MAPK8: variants seen among roughly 807,000 people sequenced by gnomAD.
MAPK8 encodes the protein mitogen-activated protein kinase 8.
Under a neutral mutation model 52.9 loss-of-function variants are expected in MAPK8, and 13 were observed. The ratio of observed to expected loss-of-function variants is 0.25; its 90% CI spans 0.16 to 0.39. The LOEUF is 0.39. Ranked by LOEUF, MAPK8 falls within the 10% of genes least tolerant of loss-of-function variation. MAPK8 has a pLI of 1.00. For missense variants in MAPK8, 300 were observed against 519.2 expected, an observed-to-expected ratio of 0.58 and a Z score of 4.10; for synonymous variants, 191 against 169.8, an observed-to-expected ratio of 1.12 and a Z score of -0.97.
At chr10:48,340,766 C>T (rs894539427) in intron 1 of MAPK8, among the ~76,000 whole-genome samples, 1 of 152,178 alleles carries the variant, frequency 6.6e-6, no homozygotes, top group Non-Finnish European at 1.5e-5. Flanking sequence ...AGTATTCAAA[C>T]AAAAACATAA....
chr10:48,432,561 T>C (rs956586805), intron 11 of MAPK8, among the ~76,000 whole-genome samples: 1 of 152,182 alleles, frequency 6.6e-6, no homozygotes, highest in Non-Finnish European at 1.5e-5. Flanking sequence ...TAGCTTTGTA[T>C]TGCTATATAG....
chr10:48,347,404 T>C (rs74545054), intron 1 of MAPK8, among the ~76,000 whole-genome samples: 3,453 of 152,250 alleles, frequency 0.023, 144 homozygotes, highest in African/African-American at 0.079. Context: ...TTGACAAGAA[T>C]TTTTTTATTG....
chr10:48,345,978 G>C (rs774389191), intron 1 of MAPK8, among the ~76,000 whole-genome samples: 1 of 152,206 alleles, frequency 6.6e-6, no homozygotes, highest in Non-Finnish European at 1.5e-5. Context: ...TGTTTAGGCT[G>C]TAACAAGACA....
intron 1 of MAPK8, among the ~76,000 whole-genome samples, chr10:48,361,960 C>T (rs1847573186): frequency 6.6e-6 from 1 of 152,164 alleles, no homozygotes; most frequent in Admixed American, 6.5e-5. Context: ...TAGCAAATTT[C>T]ATTGATTCTT....
chr10:48,437,606 A>G lies in MAPK8; in HGVS notation c.*2577A>G, dbSNP rs557234778. The G allele has an allele frequency of 5.9e-5, 9 of 152,232 alleles. No individual in the cohort carries two copies. Among genetic ancestry groups the G allele is most frequent in the Non-Finnish European group, 1.3e-4 (9 of 68,006 alleles). 9.4% of individuals were successfully genotyped at this position (152,232 alleles called of 1,614,324 possible). A position where few individuals can be genotyped will look rare whatever the true frequency, so the allele number is the denominator to read the frequency against. On this transcript the variant is annotated 3_prime_UTR_variant, in exon 12 of 12. Transcript: ENST00000374189. ...ATATATACTGGCCATTTGTAAAACC[A>G]TTGTGTTGTTGGGATCACTTAGTTA...
intron 1 of MAPK8, among the ~76,000 whole-genome samples, chr10:48,346,300 C>A (rs1047915101): frequency 2.6e-5 from 4 of 152,172 alleles, no homozygotes; most frequent in African/African-American, 9.7e-5. Flanking sequence ...TTATGATAAT[C>A]CTCACTCTAT....
chr10:48,347,507 C>T (rs1042850609), intron 1 of MAPK8, among the ~76,000 whole-genome samples: 6 of 152,310 alleles, frequency 3.9e-5, no homozygotes, highest in African/African-American at 1.4e-4. Context: ...ATCATCCCGT[C>T]ATCTACATTA....
At chr10:48,344,905 G>A (rs1206599432) in intron 1 of MAPK8, among the ~76,000 whole-genome samples, 1 of 151,964 alleles carries the variant, frequency 6.6e-6, no homozygotes, top group African/African-American at 2.4e-5. Flanking sequence ...TTTGTCCACC[G>A]AAATCCAGGT....
At chr10:48,351,430 C>G (rs1227221628) in intron 1 of MAPK8, among the ~76,000 whole-genome samples, 1 of 151,900 alleles carries the variant, frequency 6.6e-6, no homozygotes, top group Non-Finnish European at 1.5e-5. Context: ...AGGCTGGTCT[C>G]AAACTGCTGG....
intron 1 of MAPK8, among the ~76,000 whole-genome samples, chr10:48,359,652 A>C (rs1847336453): frequency 6.6e-6 from 1 of 152,226 alleles, no homozygotes; most frequent in Admixed American, 6.5e-5. Context: ...ACAGAACACC[A>C]TTGCAGATCA....
At chr10:48,377,149 A>C (rs935556698) in intron 1 of MAPK8, among the ~76,000 whole-genome samples, 1 of 151,852 alleles carries the variant, frequency 6.6e-6, no homozygotes, top group African/African-American at 2.4e-5. Flanking sequence ...TGCCACTTCT[A>C]AGTGGGAGTT....
At chr10:48,380,889 T>C (rs1191326985) in intron 1 of MAPK8, among the ~76,000 whole-genome samples, 1 of 152,210 alleles carries the variant, frequency 6.6e-6, no homozygotes, top group Non-Finnish European at 1.5e-5. Flanking sequence ...CTGTGCTCTT[T>C]GATTAGCAGG....
At chr10:48,370,251 G>A (rs183938867) in intron 1 of MAPK8, among the ~76,000 whole-genome samples, 102 of 152,260 alleles carry the variant, frequency 6.7e-4, no homozygotes, top group African/African-American at 2.3e-3. Context: ...ATAAGGTAAA[G>A]TCGAAGACTT....
intron 1 of MAPK8, among the ~76,000 whole-genome samples, chr10:48,389,320 A>T (rs2041496053): frequency 6.6e-6 from 1 of 152,168 alleles, no homozygotes; most frequent in South Asian, 2.1e-4. Flanking sequence ...ATATTCTGAA[A>T]GTAGTGAGAC....
chr10:48,355,765 G>A (rs1846855157), intron 1 of MAPK8, among the ~76,000 whole-genome samples: 2 of 152,082 alleles, frequency 1.3e-5, no homozygotes, highest in African/African-American at 2.4e-5. Context: ...ACTATACATT[G>A]AAGAAGCACA....
chr10:48,353,012 A>G (rs1360590159), intron 1 of MAPK8, among the ~76,000 whole-genome samples: 3 of 152,218 alleles, frequency 2.0e-5, no homozygotes, highest in African/African-American at 4.8e-5. Flanking sequence ...CTAAAAAAAA[A>G]GTGAAATACC....
At chr10:48,378,639 T>C (rs1052912260) in intron 1 of MAPK8, among the ~76,000 whole-genome samples, 25 of 152,120 alleles carry the variant, frequency 1.6e-4, no homozygotes, top group Non-Finnish European at 2.6e-4. Context: ...TCAAAAACAA[T>C]GGTCAGGCTA....
intron 1 of MAPK8, among the ~76,000 whole-genome samples, chr10:48,347,801 T>G (rs1161108530): frequency 2.0e-5 from 3 of 152,226 alleles, no homozygotes; most frequent in African/African-American, 7.2e-5. Context: ...CTGTCATTGA[T>G]GGGCATTTGG....
chr10:48,416,710 T>TCA (rs527847812), intron 5 of MAPK8, among the ~76,000 whole-genome samples: 48 of 152,210 alleles, frequency 3.2e-4, no homozygotes, highest in African/African-American at 1.1e-3. Context: ...ATGCAGTCAT[T>TCA]GGTTAGTTGT....
Sources: allele counts gnomAD v4.1 joint callset (sites outside exome capture counted in the v4.1 genomes callset), GRCh38; gene constraint gnomAD v4.1.1; transcripts MANE v1.5; gene names NCBI Gene and HGNC (gene_info 2026-07-23, HGNC 2026-07-21).